ST6GALNAC3: variants seen among roughly 807,000 people sequenced by gnomAD.
The protein encoded by ST6GALNAC3 is alpha-N-acetylgalactosaminide alpha-2,6-sialyltransferase 3.
ST6GALNAC3 carries 25 observed loss-of-function variants against 32.7 expected under a neutral mutation model. The observed-to-expected ratio is 0.76, with a 90% CI of 0.56 to 1.07. The LOEUF (loss-of-function observed/expected upper bound fraction) is 1.07. Ranked by LOEUF, ST6GALNAC3 falls within the 50% of genes least tolerant of loss-of-function variation. ST6GALNAC3 has a pLI of 0.00. For missense variants in ST6GALNAC3, 355 were observed against 382.4 expected (o/e 0.93, Z 0.60); for synonymous variants, 129 against 133.1 (o/e 0.97, Z 0.21).
chr1:76,379,825 C>T (rs1428689859), intron 2 of ST6GALNAC3, among the ~76,000 whole-genome samples: 1 of 152,052 alleles, frequency 6.6e-6, no homozygotes. Context: ...ATTAAGCAAA[C>T]AAACAAACAA....
intron 2 of ST6GALNAC3, among the ~76,000 whole-genome samples, chr1:76,314,812 C>T (rs907511060): frequency 6.6e-6 from 1 of 152,072 alleles, no homozygotes; most frequent in Non-Finnish European, 1.5e-5. Flanking sequence ...AACAAAGGTA[C>T]AAGCTACCAG....
intron 3 of ST6GALNAC3, among the ~76,000 whole-genome samples, chr1:76,422,930 G>C (rs967096004): frequency 6.6e-6 from 1 of 151,854 alleles, no homozygotes; most frequent in Non-Finnish European, 1.5e-5. Context: ...TTAAGATCTT[G>C]CTCCTCTGTA....
chr1:76,400,426 A>C (rs1653315180), intron 2 of ST6GALNAC3, among the ~76,000 whole-genome samples: 1 of 152,190 alleles, frequency 6.6e-6, no homozygotes. Context: ...TTTACTTGAA[A>C]TATAACAGCC....
intron 3 of ST6GALNAC3, among the ~76,000 whole-genome samples, chr1:76,484,815 T>A (rs1010787204): frequency 6.6e-6 from 1 of 152,196 alleles, no homozygotes; most frequent in Admixed American, 6.5e-5. Flanking sequence ...TCAAAGGGAA[T>A]GCTTCCAGTT....
At chr1:76,545,592 T>TTGTCTC in intron 3 of ST6GALNAC3, among the ~76,000 whole-genome samples, 1 of 152,286 alleles carries the variant, frequency 6.6e-6, no homozygotes, top group Middle Eastern at 3.4e-3. Context: ...GCACTAAGTG[T>TTGTCTC]TGTCTATGCC....
At chr1:76,487,768 G>A (rs1016633357) in intron 3 of ST6GALNAC3, among the ~76,000 whole-genome samples, 10 of 152,270 alleles carry the variant, frequency 6.6e-5, no homozygotes, top group South Asian at 4.1e-4. Context: ...GTTGGCTGGC[G>A]AGGAGCTGTG....
At position 76,474,384 on chromosome 1, in the gene ST6GALNAC3, G is replaced by A. The variant is rs553715634; in HGVS notation, c.623+61967G>A. 3.3e-5 allele frequency among the ~76,000 whole-genome samples: 5 copies of A among 152,186 alleles called. No individual in the cohort carries two copies. The South Asian group carries it at 6.2e-4, about 19-fold the overall frequency. ...AGAGCAGTAGGTGGCAAGGTTCAGC[G>A]GGACCTCATGATTGGATCTGGGACA... On this transcript the variant is annotated intron_variant, in intron 3 of 4. Transcript: ENST00000328299.
At chr1:76,201,054 T>TG (rs1654487741) in intron 1 of ST6GALNAC3, among the ~76,000 whole-genome samples, 2 of 149,206 alleles carry the variant, frequency 1.3e-5, no homozygotes, top group Admixed American at 6.7e-5. Flanking sequence ...TGCAGCAGTG[T>TG]GAAAAAAAAA....
intron 3 of ST6GALNAC3, among the ~76,000 whole-genome samples, chr1:76,421,453 A>G (rs1655023495): frequency 6.6e-6 from 1 of 152,078 alleles, no homozygotes; most frequent in South Asian, 2.1e-4. Flanking sequence ...TTCACTCACA[A>G]TTCTGTTAGC....
chr1:76,417,732 C>G (rs1294949135), intron 3 of ST6GALNAC3, among the ~76,000 whole-genome samples: 1 of 152,116 alleles, frequency 6.6e-6, no homozygotes, highest in Non-Finnish European at 1.5e-5. Context: ...AAGCGATAGT[C>G]CCCATTAAAA....
rs950859276 is a variant in ST6GALNAC3, at chr1:76,628,886, T to C, written c.*80T>C. On this transcript the variant is annotated 3_prime_UTR_variant, in exon 5 of 5. Transcript: ENST00000328299. ...GTGATGCTGATGATGCTAATGGAGATGATGGTAATGATAAAGACAACAACA... is the reference window on the plus strand; with the variant it reads ...GTGATGCTGATGATGCTAATGGAGACGATGGTAATGATAAAGACAACAACA... 6 of 1,568,398 alleles carry C rather than the reference T, an allele frequency of 3.8e-6. No homozygotes were observed. The highest frequency in any genetic ancestry group is 5.1e-6 in the Non-Finnish European group (6 of 1,165,320).
chr1:76,082,830 G>A (rs1249956107), intron 1 of ST6GALNAC3, among the ~76,000 whole-genome samples: 1 of 151,882 alleles, frequency 6.6e-6, no homozygotes, highest in Non-Finnish European at 1.5e-5. Flanking sequence ...AAACAGATTT[G>A]TCGGAGGCCA....
intron 2 of ST6GALNAC3, among the ~76,000 whole-genome samples, chr1:76,331,549 A>G (rs1419938547): frequency 2.0e-5 from 3 of 152,164 alleles, no homozygotes; most frequent in Admixed American, 6.5e-5. Context: ...CAACTTACCT[A>G]TTTAAATACT....
chr1:76,358,568 A>C (rs978719797), intron 2 of ST6GALNAC3, among the ~76,000 whole-genome samples: 1 of 152,100 alleles, frequency 6.6e-6, no homozygotes, highest in Non-Finnish European at 1.5e-5. Context: ...TCCCTTGCTT[A>C]CCTAGATTTC....
At chr1:76,208,051 C>G (rs1231091765) in intron 1 of ST6GALNAC3, among the ~76,000 whole-genome samples, 1 of 150,496 alleles carries the variant, frequency 6.6e-6, no homozygotes, top group African/African-American at 2.4e-5. Context: ...GCCCCCCCCC[C>G]CAAAAAATAG....
chr1:76,456,177 GAAAAAC>G (rs893170587), intron 3 of ST6GALNAC3, among the ~76,000 whole-genome samples: 15 of 151,926 alleles, frequency 9.9e-5, no homozygotes, highest in Admixed American at 5.9e-4. Context: ...GTCCCAAAAA[GAAAAAC>G]AAAAACAAAA....
intron 2 of ST6GALNAC3, among the ~76,000 whole-genome samples, chr1:76,377,509 A>G (rs1053965040): frequency 1.2e-4 from 19 of 152,104 alleles, no homozygotes; most frequent in Admixed American, 7.2e-4. Flanking sequence ...CCAAATAACC[A>G]AATCTTGTGA....
At chr1:76,569,677 G>A (rs1047794031) in intron 3 of ST6GALNAC3, among the ~76,000 whole-genome samples, 7 of 151,916 alleles carry the variant, frequency 4.6e-5, no homozygotes, top group Non-Finnish European at 8.8e-5. Context: ...ACAGCATTTC[G>A]GGAATTTCTT....
intron 1 of ST6GALNAC3, among the ~76,000 whole-genome samples, chr1:76,155,576 T>G (rs1025878128): frequency 1.2e-4 from 18 of 151,530 alleles, no homozygotes; most frequent in Non-Finnish European, 2.1e-4. Context: ...CATGCCATTC[T>G]CCTGCCTCAG....
Sources: allele counts gnomAD v4.1 joint callset (sites outside exome capture counted in the v4.1 genomes callset), GRCh38; gene constraint gnomAD v4.1.1; transcripts MANE v1.5; gene names NCBI Gene and HGNC (gene_info 2026-07-23, HGNC 2026-07-21).